Variants in TRIM25 observed in about 807,000 individuals in gnomAD.
The protein encoded by TRIM25 is E3 ubiquitin/ISG15 ligase TRIM25.
In TRIM25, 45 loss-of-function variants were observed where a neutral mutation model predicts 65.2. The observed-to-expected ratio is 0.69, with a 90% CI of 0.54 to 0.89. TRIM25 has a LOEUF of 0.89. TRIM25 is among the 40% of genes least tolerant of loss of function. The probability of loss-of-function intolerance (pLI) is 0.00; values close to 1 mark genes in which losing one functional copy is unlikely to be tolerated. For synonymous variants in TRIM25, 321 were observed against 340.4 expected (o/e 0.94, Z 0.63); for missense variants, 714 against 803.7 (o/e 0.89, Z 1.35).
At chr17:56,901,301 C>T in intron 4 of TRIM25, 118 bp downstream of exon 4, 1 of 1,206,908 alleles carries the variant, frequency 8.3e-7, no homozygotes, top group Non-Finnish European at 1.2e-6. Flanking sequence ...TTCAGGAGCC[C>T]TGAAACTCAG....
chr17:56,897,357 G>A (rs1909314602), intron 5 of TRIM25, among the ~76,000 whole-genome samples: 1 of 152,080 alleles, frequency 6.6e-6, no homozygotes, highest in Non-Finnish European at 1.5e-5. Flanking sequence ...GATAAGCCCT[G>A]CTCTCTCCTA....
Position 56,895,325 on chromosome 17 carries a change from A to G in TRIM25, c.1363+18T>C, listed in dbSNP as rs1042624426. ...GACAGAACCAGTGGAACCGCGCACC[A>G]GCCCCGAAGCTACTCACACTCCAGG... On this transcript the variant is annotated intron_variant, in intron 8 of 8. Coordinates refer to ENST00000316881, the MANE Select transcript of TRIM25 (RefSeq NM_005082.5). 1.9e-6 allele frequency: 3 copies of G among 1,606,302 alleles called. No homozygotes were observed. The highest frequency in any genetic ancestry group is 2.7e-5 in the African/African-American group (2 of 74,854).
chr17:56,912,865 G>A (rs937550360), intron 1 of TRIM25: 4 of 152,288 alleles, frequency 2.6e-5, no homozygotes, highest in Non-Finnish European at 5.9e-5. Context: ...GGGGCGCAGT[G>A]GTGCACGCCT....
chr17:56,898,897 C>T (rs954528675), intron 5 of TRIM25: 2 of 556,814 alleles, frequency 3.6e-6, no homozygotes, highest in Non-Finnish European at 6.5e-6. Flanking sequence ...CAGCCTCAGG[C>T]ATCTTGCTGT....
chr17:56,914,024 C>T lies in TRIM25; in HGVS notation c.-36G>A, dbSNP rs750519536. ...GGGGTCGGGACACAACTGCTGCACCCGCGCTCCGAGGCCGCCGAGGAAACG... is the reference window on the plus strand; with the variant it reads ...GGGGTCGGGACACAACTGCTGCACCTGCGCTCCGAGGCCGCCGAGGAAACG... On this transcript the variant is annotated 5_prime_UTR_variant, in exon 1 of 9. Transcript: ENST00000316881. The T allele has an allele frequency of 5.6e-6, 8 of 1,429,420 alleles. No homozygotes were observed. The highest frequency in any genetic ancestry group is 1.5e-5 in the African/African-American group (1 of 68,294). 88.5% of individuals were successfully genotyped at this position (1,429,420 alleles called of 1,614,324 possible). A position where few individuals can be genotyped will look rare whatever the true frequency, so the allele number is the denominator to read the frequency against.
At chr17:56,908,114 T>C (rs1194024136) in intron 2 of TRIM25, among the ~76,000 whole-genome samples, 2 of 152,256 alleles carry the variant, frequency 1.3e-5, no homozygotes, top group South Asian at 4.1e-4. Flanking sequence ...AGTAGCCCTA[T>C]GAAACTAATA....
chr17:56,893,263 C>T (rs778593166), intron 8 of TRIM25, among the ~76,000 whole-genome samples: 5 of 150,068 alleles, frequency 3.3e-5, no homozygotes, highest in Non-Finnish European at 7.4e-5. Flanking sequence ...ACACTTTTCA[C>T]TGGAGCCCGA....
Position 56,895,430 on chromosome 17 carries a change from C to T in TRIM25, c.1276G>A (p.Ala426Thr), listed in dbSNP as rs746611513. Residue 426 changes from alanine to threonine, a missense_variant, in exon 8 of 9, where the codon GCC becomes ACC. This residue lies in a region of TRIM25 where 413 missense variants were observed against 498.2 expected (regional missense o/e 0.83). Transcript: ENST00000316881. ...GTTGAGTTCGGATGTGAGCTGGTGGCTTTGGCTGCAGCTGGGAGAGGAAAC... is the reference window on the plus strand; with the variant it reads ...GTTGAGTTCGGATGTGAGCTGGTGGTTTTGGCTGCAGCTGGGAGAGGAAAC... ...KQAGLEAAAK[A>T]TSSHPNSTSL... The T allele has an allele frequency of 1.5e-5, 24 of 1,613,908 alleles. No homozygotes were observed. Among genetic ancestry groups the T allele is most frequent in the Middle Eastern group, 1.6e-4 (1 of 6,084 alleles).
In TRIM25 at chr17:56,889,341, T is replaced by G. The variant is rs1386111341; in HGVS notation, c.*2359A>C. On this transcript the variant is annotated 3_prime_UTR_variant, in exon 9 of 9. Transcript: ENST00000316881. ...TTCCCCTCACACATGCTAGCAGGCA[T>G]CTCCCCACTAATGGAATAGCAAGAG... 2 of 157,186 alleles carry G rather than the reference T, an allele frequency of 1.3e-5. No homozygotes were observed. The highest frequency in any genetic ancestry group is 3.6e-4 in the East Asian group (2 of 5,506). 9.7% of individuals were successfully genotyped at this position (157,186 alleles called of 1,614,324 possible). A position where few individuals can be genotyped will look rare whatever the true frequency, so the allele number is the denominator to read the frequency against.
At chr17:56,903,612 C>T (rs943577088) in intron 3 of TRIM25, among the ~76,000 whole-genome samples, 1 of 151,982 alleles carries the variant, frequency 6.6e-6, no homozygotes, top group South Asian at 2.1e-4. Flanking sequence ...CCTTCAGTAT[C>T]GGCAGGACGG....
intron 5 of TRIM25, among the ~76,000 whole-genome samples, chr17:56,898,137 A>ACATGTCAGCGGTATATGGG (rs1190178403): frequency 6.6e-6 from 1 of 152,194 alleles, no homozygotes; most frequent in East Asian, 1.9e-4. Context: ...TGGTATATGA[A>ACATGTCAGCGGTATATGGG]CATGTCAGCG....
chr17:56,892,214 A>G lies in TRIM25; in HGVS notation c.1379T>C (p.Ile460Thr), dbSNP rs1567837538. 1 of 1,598,486 alleles carries G rather than the reference A, an allele frequency of 6.3e-7. No homozygotes were observed. The highest frequency in any genetic ancestry group is 1.3e-5 in the African/African-American group (1 of 74,748). The change falls in exon 9 of 9, where the codon ATC (isoleucine) becomes ACC (threonine). Residue 460 changes from isoleucine to threonine, a missense_variant. By Grantham distance (89) the Ile-to-Thr change is moderately conservative. Around this residue, in one of 3 missense-constraint regions of TRIM25, gnomAD observed 413 missense variants for 498.2 expected, o/e 0.83. Transcript: ENST00000316881. ...PELLEYYIKV[I>T]LDYNTAHNKV... ...GTTGTGGGCGGTGTTGTAGTCCAGG[A>G]TGACTTTAATGTAATCTGAGAAAAC...
chr17:56,907,664 C>T (rs1207271058), intron 2 of TRIM25, among the ~76,000 whole-genome samples: 1 of 152,206 alleles, frequency 6.6e-6, no homozygotes, highest in African/African-American at 2.4e-5. Flanking sequence ...ATAATATTCC[C>T]TTTCAGTTTC....
At position 56,890,915 on chromosome 17, in the gene TRIM25, T is replaced by C; in HGVS notation, c.*785A>G. The C allele has an allele frequency of 2.2e-6, 1 of 456,628 alleles. No individual in the cohort carries two copies. The highest frequency in any genetic ancestry group is 1.5e-5 in the South Asian group (1 of 64,560). 28.3% of individuals were successfully genotyped at this position (456,628 alleles called of 1,614,324 possible). A position where few individuals can be genotyped will look rare whatever the true frequency, so the allele number is the denominator to read the frequency against. The stretch of plus-strand genomic sequence containing the variant: ...TGCCACCAAAGCATCTCTGCCAAGA[T>C]GCTTCTTATGATACTTAGGAAGGAT... On this transcript the variant is annotated 3_prime_UTR_variant, in exon 9 of 9. Transcript: ENST00000316881.
At chr17:56,900,834 C>G (rs932809054) in intron 4 of TRIM25, among the ~76,000 whole-genome samples, 1 of 152,090 alleles carries the variant, frequency 6.6e-6, no homozygotes, top group Admixed American at 6.5e-5. Context: ...AGTGAGAGGG[C>G]AAAGCAGAAT....
chr17:56,898,912 G>T, intron 5 of TRIM25: 2 of 578,200 alleles, frequency 3.5e-6, no homozygotes, highest in Non-Finnish European at 6.2e-6. Flanking sequence ...TGCTGTTCCA[G>T]GCAGCCCAAA....
At chr17:56,907,334 G>A (rs1009603842) in intron 2 of TRIM25, among the ~76,000 whole-genome samples, 2 of 152,156 alleles carry the variant, frequency 1.3e-5, no homozygotes, top group Non-Finnish European at 2.9e-5. Flanking sequence ...GTACTTTCAC[G>A]TGCATTCTTT....
Position 56,913,686 on chromosome 17 carries a change from C to G in TRIM25, c.303G>C (p.Pro101=). The change falls in exon 1 of 9, where the codon CCG becomes CCC. Residue 101 remains proline (P), a synonymous_variant. Transcript: ENST00000316881. The surrounding 1 kb of genome is among the most constrained non-coding windows in gnomAD (Gnocchi z 6.1). ...AGTGGTCGCAGGCCACCTGGGCATT[C>G]GGGCTGGGTGCAGAGGCGCGGGCGG... is the stretch of plus-strand genomic sequence containing the variant. ...TPPARASAPS[P]NAQVACDHCL... 1 of 1,591,632 alleles carries G rather than the reference C, an allele frequency of 6.3e-7. No individual in the cohort carries two copies. Among genetic ancestry groups the G allele is most frequent in the Non-Finnish European group, 8.6e-7 (1 of 1,168,616 alleles).
chr17:56,899,074 A>T lies in TRIM25; in HGVS notation c.1153+41T>A, dbSNP rs1172368150. On this transcript the variant is annotated intron_variant, in intron 5 of 8. Coordinates refer to ENST00000316881, the MANE Select transcript of TRIM25 (RefSeq NM_005082.5). ...CTTGGCCAGAGCCTGGGGAGGCCACAGCCATGCTGTTGCCATGGAGACAGG... is the reference window on the plus strand; with the variant it reads ...CTTGGCCAGAGCCTGGGGAGGCCACTGCCATGCTGTTGCCATGGAGACAGG... 3 of 1,608,494 alleles carry T rather than the reference A, an allele frequency of 1.9e-6. No homozygotes were observed. The Admixed American group carries it at 5.0e-5, about 27-fold the overall frequency.
Sources: allele counts gnomAD v4.1 joint callset (sites outside exome capture counted in the v4.1 genomes callset), GRCh38; gene constraint gnomAD v4.1.1; regional missense constraint gnomAD v4.1.1; non-coding constraint Gnocchi (gnomAD v3.1); transcripts MANE v1.5; gene names NCBI Gene and HGNC (gene_info 2026-07-23, HGNC 2026-07-21).